Variants in RAB21 observed in about 807,000 individuals in gnomAD.
RAB21 encodes the protein ras-related protein Rab-21.
RAB21 carries 13 observed loss-of-function variants against 33.1 expected under a neutral mutation model. The observed-to-expected ratio is 0.39, with a 90% CI of 0.26 to 0.62. The LOEUF is 0.62. RAB21 is among the 20% of genes least tolerant of loss of function. The pLI is 0.48. For missense variants in RAB21, 234 were observed against 279.1 expected (o/e 0.84, Z 1.15); for synonymous variants, 91 against 103.7 (o/e 0.88, Z 0.74).
At chr12:71,772,433 G>T (rs1362119648) in intron 3 of RAB21, among the ~76,000 whole-genome samples, 3 of 152,208 alleles carry the variant, frequency 2.0e-5, no homozygotes, top group African/African-American at 7.2e-5. Context: ...AATTCAGAGG[G>T]TGGGGAATTT....
At chr12:71,781,984 T>C (rs751944499) in intron 4 of RAB21, 47 bp from the exon 5 acceptor site, 9 of 1,415,732 alleles carry the variant, frequency 6.4e-6, no homozygotes, top group East Asian at 2.4e-5. Flanking sequence ...AATTTTGTTA[T>C]GAAAATAAAT....
In RAB21 at chr12:71,795,869, G is replaced by T. The variant is rs1352945381; in HGVS notation, c.*10196G>T. On this transcript the variant is annotated 3_prime_UTR_variant, in exon 7 of 7. Coordinates refer to ENST00000261263, the MANE Select transcript of RAB21 (RefSeq NM_014999.4). ...ATATGTGAAGTTTTTTACTTCTTCA[G>T]TTTTTCAAGATAATTTTGCTGTTTT... The T allele has an allele frequency of 7.3e-6, 1 of 137,744 alleles. No individual in the cohort carries two copies. The highest frequency in any genetic ancestry group is 1.5e-5 in the Non-Finnish European group (1 of 66,062). The allele number at this position is 137,744 out of a possible 1,614,324, so 8.5% of individuals were successfully genotyped here. A position where few individuals can be genotyped will look rare whatever the true frequency, so the allele number is the denominator to read the frequency against.
rs1883432584 is a variant in RAB21 at position 71,794,414 on chromosome 12, T to TATATATATATATATA, written c.*8755_*8756insAATATATATATATAT. The TATATATATATATATA allele has an allele frequency of 2.0e-5, 1 of 48,942 alleles. No individual in the cohort carries two copies. The highest frequency in any genetic ancestry group is 1.3e-4 in the African/African-American group (1 of 7,872). The allele number at this position is 48,942 out of a possible 1,614,324, so 3.0% of individuals were successfully genotyped here. On this transcript the variant is annotated 3_prime_UTR_variant, in exon 7 of 7. Coordinates refer to ENST00000261263, the MANE Select transcript of RAB21 (RefSeq NM_014999.4). ...CAAAACCATATATATATTATATATA[T>TATATATATATATATA]ATATATATATATATTTTTTTTTTTT...
rs1883283871 is a variant in RAB21 at position 71,785,977 on chromosome 12, C to G, written c.*304C>G. 1 of 203,332 alleles carries G rather than the reference C, an allele frequency of 4.9e-6. No homozygotes were observed. The highest frequency in any genetic ancestry group is 1.0e-5 in the Non-Finnish European group (1 of 99,742). The allele number at this position is 203,332 out of a possible 1,614,324, so 12.6% of individuals were successfully genotyped here. ...AGTGCACTGGCTTGATCTCGGCTCACTGCAAGCTCCACCTCCCAGGTTCAC... is the reference window on the plus strand; with the variant it reads ...AGTGCACTGGCTTGATCTCGGCTCAGTGCAAGCTCCACCTCCCAGGTTCAC... On this transcript the variant is annotated 3_prime_UTR_variant, in exon 7 of 7. Coordinates refer to ENST00000261263, the MANE Select transcript of RAB21 (RefSeq NM_014999.4).
At position 71,799,114 on chromosome 12, in the gene RAB21, C is replaced by T. The variant is rs1173114605; in HGVS notation, c.*13441C>T. The T allele has an allele frequency of 2.0e-5, 3 of 152,266 alleles. No individual in the cohort carries two copies. The highest frequency in any genetic ancestry group is 4.4e-5 in the Non-Finnish European group (3 of 68,078). The allele number at this position is 152,266 out of a possible 1,614,324, so 9.4% of individuals were successfully genotyped here. ...TGGTGGCAGCAGCTTCTTAATCTGA[C>T]ATTCCAACCCCTAGATTGTGGTGTT... On this transcript the variant is annotated 3_prime_UTR_variant, in exon 7 of 7. Coordinates refer to ENST00000261263, the MANE Select transcript of RAB21 (RefSeq NM_014999.4).
intron 4 of RAB21, 126 bp from the exon 5 acceptor site, chr12:71,781,905 A>G (rs1883206578): frequency 4.5e-6 from 3 of 664,968 alleles, no homozygotes; most frequent in African/African-American, 1.8e-5. Flanking sequence ...AAGACATTAG[A>G]AGTCTGGTGG....
rs1384847547 is a variant in RAB21, at chr12:71,789,880, G to A, written c.*4207G>A. 6.6e-6 allele frequency: 1 copy of A among 152,028 alleles called. No individual in the cohort carries two copies. 9.4% of individuals were successfully genotyped at this position (152,028 alleles called of 1,614,324 possible). On this transcript the variant is annotated 3_prime_UTR_variant, in exon 7 of 7. Transcript: ENST00000261263. ...TTCAAGAAAACAGTTGCAATTTTGA[G>A]CAAAATTTTCCTAGTTGTAATATTT...
At chr12:71,770,894 A>G (rs567733578) in intron 3 of RAB21, among the ~76,000 whole-genome samples, 195 bp downstream of exon 3, 2 of 152,292 alleles carry the variant, frequency 1.3e-5, no homozygotes, top group African/African-American at 4.8e-5. Context: ...TGTTTAATGA[A>G]ATATTTGATT....
chr12:71,769,751 G>T (rs1883013284), intron 1 of RAB21, 49 bp from the exon 2 acceptor site: 1 of 1,000,672 alleles, frequency 1.0e-6, no homozygotes, highest in Non-Finnish European at 1.4e-6. Context: ...TTAGGATAAA[G>T]AACCTTATTT....
chr12:71,762,734 C>G (rs949378354), intron 1 of RAB21, among the ~76,000 whole-genome samples: 2 of 152,034 alleles, frequency 1.3e-5, no homozygotes, highest in Non-Finnish European at 2.9e-5. Flanking sequence ...AGGCGCCCAC[C>G]ATCACGCCTG....
At chr12:71,771,933 G>A (rs1344953252) in intron 3 of RAB21, among the ~76,000 whole-genome samples, 3 of 151,078 alleles carry the variant, frequency 2.0e-5, no homozygotes, top group Admixed American at 6.6e-5. Context: ...CCTAGATCGC[G>A]CCACTGGACT....
rs533929320 is a variant in RAB21, at chr12:71,788,308, T to C, written c.*2635T>C. On this transcript the variant is annotated 3_prime_UTR_variant, in exon 7 of 7. Coordinates refer to ENST00000261263, the MANE Select transcript of RAB21 (RefSeq NM_014999.4). ...ATAACTATTCTTCATATTTTTTTTT[T>C]CTTTTTTCTCCTTTGGTTTCTGTGT... 82 of 151,708 alleles carry C rather than the reference T, an allele frequency of 5.4e-4. No homozygotes were observed. Among genetic ancestry groups the C allele is most frequent in the African/African-American group, 1.8e-3 (76 of 41,466 alleles). 9.4% of individuals were successfully genotyped at this position (151,708 alleles called of 1,614,324 possible). A position where few individuals can be genotyped will look rare whatever the true frequency, so the allele number is the denominator to read the frequency against.
rs754613751 is a variant in RAB21, at chr12:71,785,723, C to G, written c.*50C>G. 1 of 1,597,236 alleles carries G rather than the reference C, an allele frequency of 6.3e-7. No individual in the cohort carries two copies. Among genetic ancestry groups the G allele is most frequent in the South Asian group, 1.1e-5 (1 of 90,266 alleles). On this transcript the variant is annotated 3_prime_UTR_variant, in exon 7 of 7. Coordinates refer to ENST00000261263, the MANE Select transcript of RAB21 (RefSeq NM_014999.4). ...GACAGAACAAAACTGTGGATCATTG[C>G]CCTCAACATGAAGACTGCCATATTC... is the stretch of plus-strand genomic sequence containing the variant.
rs944931371 is a variant in RAB21, at chr12:71,798,789, T to C, written c.*13116T>C. ...TATTTTTGCTGATAGAGGGGTAAAC[T>C]GGAACAACCGCTAAGGATGACAGTG... On this transcript the variant is annotated 3_prime_UTR_variant, in exon 7 of 7. Coordinates refer to ENST00000261263, the MANE Select transcript of RAB21 (RefSeq NM_014999.4). 6.6e-6 allele frequency: 1 copy of C among 152,226 alleles called. No individual in the cohort carries two copies. The highest frequency in any genetic ancestry group is 2.4e-5 in the African/African-American group (1 of 41,464). 9.4% of individuals were successfully genotyped at this position (152,226 alleles called of 1,614,324 possible).
At chr12:71,779,978 G>A (rs1428414647) in intron 4 of RAB21, among the ~76,000 whole-genome samples, 2 of 152,148 alleles carry the variant, frequency 1.3e-5, no homozygotes, top group Non-Finnish European at 2.9e-5. Flanking sequence ...TCAGGTTTCT[G>A]CAATGTATTC....
At chr12:71,771,616 T>C (rs904589256) in intron 3 of RAB21, among the ~76,000 whole-genome samples, 1 of 152,222 alleles carries the variant, frequency 6.6e-6, no homozygotes, top group Non-Finnish European at 1.5e-5. Context: ...GTTATTTTGG[T>C]GCTGCTGTTT....
chr12:71,755,264 C>T lies in RAB21; in HGVS notation c.135C>T (p.Asn45=). 6.5e-7 allele frequency: 1 copy of T among 1,541,252 alleles called. No individual in the cohort carries two copies. Residue 45 remains asparagine (N), a synonymous_variant, in exon 1 of 7, where the codon AAC becomes AAT. Transcript: ENST00000261263. ...TGCGCTACTGCGAGAACAAGTTTAA[C>T]GACAAGCACATCACCACTCTGCAGG... ...LVLRYCENKF[N]DKHITTLQAS...
intron 4 of RAB21, 180 bp downstream of exon 4, chr12:71,774,202 C>T: frequency 3.1e-6 from 1 of 322,074 alleles, no homozygotes; most frequent in South Asian, 5.3e-5. Flanking sequence ...ATTCCAGCGC[C>T]TTGGGAGGCC....
In RAB21 at chr12:71,755,194, T is replaced by C. The variant is rs774556878; in HGVS notation, c.65T>C (p.Val22Ala). 8 of 1,518,768 alleles carry C rather than the reference T, an allele frequency of 5.3e-6. No individual in the cohort carries two copies. Among genetic ancestry groups the C allele is most frequent in the Admixed American group, 2.2e-5 (1 of 45,842 alleles). 94.1% of individuals were successfully genotyped at this position (1,518,768 alleles called of 1,614,324 possible). Residue 22 changes from valine (V) to alanine (A), a missense_variant, in exon 1 of 7, where the codon GTG becomes GCG. Coordinates refer to ENST00000261263, the MANE Select transcript of RAB21 (RefSeq NM_014999.4). The part of the protein sequence containing the change: ...AAAGRAYSFK[V>A]VLLGEGCVGK... ...GCGGGCCGAGCCTACTCGTTCAAGG[T>C]GGTGCTGCTGGGGGAAGGCTGCGTG...
Sources: gnomAD v4.1 joint callset for allele counts (sites outside exome capture counted in the v4.1 genomes callset) on GRCh38, gnomAD v4.1.1 for gene constraint, MANE v1.5 for transcripts, NCBI Gene and HGNC (gene_info 2026-07-23, HGNC 2026-07-21) for gene names.